Variants in ESRRG observed in about 807,000 individuals in gnomAD.
The protein encoded by ESRRG is estrogen-related receptor gamma.
A neutral mutation model predicts 44.0 loss-of-function variants in ESRRG; 13 were observed. The ratio of observed to expected loss-of-function variants is 0.30; its 90% CI spans 0.19 to 0.47. ESRRG has a LOEUF of 0.47. Ranked by LOEUF, ESRRG falls within the 20% of genes least tolerant of loss-of-function variation. The pLI is 1.00. For missense variants in ESRRG, 395 were observed against 580.6 expected, an observed-to-expected ratio of 0.68 and a Z score of 3.29; for synonymous variants, 215 against 214.6, an observed-to-expected ratio of 1.00 and a Z score of -0.02.
intron 1 of ESRRG, among the ~76,000 whole-genome samples, chr1:217,121,727 A>G (rs561333972): frequency 1.2e-4 from 19 of 152,306 alleles, no homozygotes; most frequent in African/African-American, 2.6e-4. Context: ...ATGGCTGAGT[A>G]TGGTTTTAAA....
At chr1:217,084,718 T>G (rs1458559881) in intron 1 of ESRRG, among the ~76,000 whole-genome samples, 1 of 152,164 alleles carries the variant, frequency 6.6e-6, no homozygotes, top group Non-Finnish European at 1.5e-5. Flanking sequence ...TCCTTTTAAG[T>G]GTCCAGGTTA....
At chr1:216,775,020 G>C (rs2093548908) in intron 2 of ESRRG, among the ~76,000 whole-genome samples, 1 of 151,310 alleles carries the variant, frequency 6.6e-6, no homozygotes, top group African/African-American at 2.4e-5. Context: ...TATTGCTCAG[G>C]CTGGTCTAAA....
intron 2 of ESRRG, among the ~76,000 whole-genome samples, chr1:216,854,180 A>C (rs1427376450): frequency 6.6e-6 from 1 of 151,942 alleles, no homozygotes; most frequent in East Asian, 1.9e-4. Flanking sequence ...AACATGATAA[A>C]ACCCTGTCTC....
At chr1:216,990,691 G>T (rs1023400576) in intron 1 of ESRRG, among the ~76,000 whole-genome samples, 1 of 151,852 alleles carries the variant, frequency 6.6e-6, no homozygotes. Context: ...CTTCCTTATG[G>T]TTTTCTTAAT....
chr1:217,118,921 CA>C (rs2092776733), intron 1 of ESRRG, among the ~76,000 whole-genome samples: 1 of 151,934 alleles, frequency 6.6e-6, no homozygotes, highest in Non-Finnish European at 1.5e-5. Context: ...TTGAGCCCAG[CA>C]TTAGAGACTG....
chr1:216,668,735 T>G lies in ESRRG; in HGVS notation c.472+8341A>C, dbSNP rs575335475. Among the ~76,000 whole-genome samples the G allele has an allele frequency of 7.2e-5, 11 of 152,102 alleles. No homozygotes were observed. In the Middle Eastern group the frequency reaches 0.01, roughly 141 times the overall value. ...ACACACACACACTCACACACACACA[T>G]ATATTCACGCATATATATTATAGTG... On this transcript the variant is annotated intron_variant, in intron 2 of 6. Transcript: ENST00000408911.
chr1:216,645,329 A>G (rs1440571147), intron 3 of ESRRG, among the ~76,000 whole-genome samples: 1 of 152,114 alleles, frequency 6.6e-6, no homozygotes. Context: ...CTTCATTGAT[A>G]TAGTCATCAT....
intron 1 of ESRRG, among the ~76,000 whole-genome samples, chr1:217,110,899 T>C (rs2092654568): frequency 6.6e-6 from 1 of 152,224 alleles, no homozygotes; most frequent in Non-Finnish European, 1.5e-5. Context: ...TTGCTGTGTC[T>C]TTTCGGTTTC....
intron 3 of ESRRG, among the ~76,000 whole-genome samples, chr1:216,571,930 G>T (rs558231048): frequency 6.6e-6 from 1 of 152,046 alleles, no homozygotes; most frequent in Non-Finnish European, 1.5e-5. Context: ...TTTAGATAGC[G>T]ATTAATGGTA....
intron 6 of ESRRG, among the ~76,000 whole-genome samples, chr1:216,514,959 T>TATACAC (rs1553279550): frequency 1.3e-5 from 2 of 149,158 alleles, no homozygotes; most frequent in Non-Finnish European, 3.0e-5. Flanking sequence ...TTTTACTTTA[T>TATACAC]ACACACACAC....
intron 1 of ESRRG, among the ~76,000 whole-genome samples, chr1:217,014,195 T>C (rs566248916): frequency 2.0e-5 from 3 of 152,246 alleles, no homozygotes; most frequent in South Asian, 4.2e-4. Context: ...CATAAGACTT[T>C]TGACATTTAT....
chr1:216,804,032 TA>T (rs5780927), intron 2 of ESRRG, among the ~76,000 whole-genome samples: 1 of 149,512 alleles, frequency 6.7e-6, no homozygotes, highest in East Asian at 2.0e-4. Flanking sequence ...TAAGGCAGAA[TA>T]AAAAAAAAAT....
At chr1:216,543,682 C>A (rs2053559866) in intron 5 of ESRRG, among the ~76,000 whole-genome samples, 1 of 151,820 alleles carries the variant, frequency 6.6e-6, no homozygotes, top group African/African-American at 2.4e-5. Flanking sequence ...GTCTCTCAGT[C>A]TGTTCACTGG....
intron 1 of ESRRG, among the ~76,000 whole-genome samples, chr1:217,003,327 C>T (rs1381060816): frequency 6.6e-6 from 1 of 151,912 alleles, no homozygotes; most frequent in East Asian, 1.9e-4. Context: ...AGTTTCTCAA[C>T]CTATAAAACA....
chr1:216,690,941 A>G lies in ESRRG; in HGVS notation c.57-13450T>C, dbSNP rs545713452. ...TTTCATATTCTGTTTTTAAAAACTT[A>G]TAAAATCCTTGCAACTGTAAACATA... On this transcript the variant is annotated intron_variant, in intron 1 of 6. Coordinates refer to ENST00000408911, the MANE Select transcript of ESRRG (RefSeq NM_001438.4). Among the ~76,000 whole-genome samples the G allele has an allele frequency of 3.9e-5, 6 of 152,334 alleles. No homozygotes were observed. The South Asian group carries it at 1.2e-3, about 32-fold the overall frequency.
intron 1 of ESRRG, among the ~76,000 whole-genome samples, chr1:217,022,517 T>C (rs2080487875): frequency 1.3e-5 from 2 of 152,046 alleles, no homozygotes; most frequent in South Asian, 2.1e-4. Flanking sequence ...TTACTGATGG[T>C]CACTTTTTTT....
At chr1:216,925,665 GCT>G (rs2062450859) in intron 2 of ESRRG, among the ~76,000 whole-genome samples, 1 of 151,578 alleles carries the variant, frequency 6.6e-6, no homozygotes, top group Non-Finnish European at 1.5e-5. Context: ...AAGTGGGTCT[GCT>G]CGGCTGGGTG....
At chr1:216,844,162 G>C (rs374450371) in intron 2 of ESRRG, among the ~76,000 whole-genome samples, 3 of 151,014 alleles carry the variant, frequency 2.0e-5, no homozygotes, top group African/African-American at 7.3e-5. Flanking sequence ...TGAACACGGA[G>C]GATAGCACTT....
At chr1:216,757,575 C>T (rs1576216113) in intron 2 of ESRRG, among the ~76,000 whole-genome samples, 1 of 152,074 alleles carries the variant, frequency 6.6e-6, no homozygotes, top group East Asian at 1.9e-4. Flanking sequence ...TACCCACATC[C>T]ACACTCTTAA....
Sources: gnomAD v4.1 joint callset for allele counts (sites outside exome capture counted in the v4.1 genomes callset) on GRCh38, gnomAD v4.1.1 for gene constraint, MANE v1.5 for transcripts, NCBI Gene and HGNC (gene_info 2026-07-23, HGNC 2026-07-21) for gene names.